The following POLR2C variants were observed in gnomAD, a reference collection of about 807,000 sequenced individuals.
The protein encoded by POLR2C is RNA polymerase II subunit C, also known as DNA-directed RNA polymerase II subunit RPB3.
A neutral mutation model predicts 41.7 loss-of-function variants in POLR2C; 36 were observed. That is an observed-to-expected ratio of 0.86 (90% CI 0.66 to 1.14). The LOEUF (loss-of-function observed/expected upper bound fraction) is 1.14. Ranked by LOEUF, POLR2C falls within the 50% of genes most tolerant of loss-of-function variation. The probability of loss-of-function intolerance (pLI) is 0.00; values close to 1 mark genes in which losing one functional copy is unlikely to be tolerated. For missense variants in POLR2C, 260 were observed against 350.4 expected, an observed-to-expected ratio of 0.74 and a Z score of 2.06; for synonymous variants, 133 against 137.8, an observed-to-expected ratio of 0.96 and a Z score of 0.25.
chr16:57,463,207 C>T (rs1334256188), intron 2 of POLR2C, 129 bp downstream of exon 2: 2 of 810,576 alleles, frequency 2.5e-6, no homozygotes, highest in Non-Finnish European at 4.2e-6. Context: ...AAGTGCATTG[C>T]TGGAGACTTG....
At chr16:57,468,101 T>C (rs1184104428) in intron 4 of POLR2C, among the ~76,000 whole-genome samples, 1 of 152,192 alleles carries the variant, frequency 6.6e-6, no homozygotes, top group Non-Finnish European at 1.5e-5. Context: ...CCTCAGCCTC[T>C]GGGCTCAAAT....
In POLR2C at chr16:57,469,660, G is replaced by C; in HGVS notation, c.388-50G>C. ...GTGCTGGGATATGGATGCCAGAGGA[G>C]GTGACTGGGGAGGTGAGCAGCTAAT... On this transcript the variant is annotated intron_variant, in intron 5 of 8. Coordinates refer to ENST00000219252, the MANE Select transcript of POLR2C (RefSeq NM_032940.3). This position sits in a 1 kb window ranked among gnomAD's most constrained non-coding sequence, Gnocchi z 5.8. The C allele has an allele frequency of 1.4e-6, 2 of 1,468,694 alleles. No individual in the cohort carries two copies. The highest frequency in any genetic ancestry group is 1.9e-6 in the Non-Finnish European group (2 of 1,047,236). The allele number at this position is 1,468,694 out of a possible 1,614,324, so 91.0% of individuals were successfully genotyped here.
intron 1 of POLR2C, 44 bp from the exon 2 acceptor site, chr16:57,462,985 C>A: frequency 1.3e-6 from 2 of 1,572,284 alleles, no homozygotes; most frequent in African/African-American, 1.4e-5. Flanking sequence ...CCCAGCCTGT[C>A]GAGGCTGCAG....
At chr16:57,462,905 G>A in intron 1 of POLR2C, 95 bp downstream of exon 1, 1 of 1,149,904 alleles carries the variant, frequency 8.7e-7, no homozygotes, top group Non-Finnish European at 1.3e-6. Context: ...GTGGGGTGGG[G>A]TGGGGGCGAT....
chr16:57,470,662 A>G (rs897549787), intron 8 of POLR2C, among the ~76,000 whole-genome samples: 2 of 152,190 alleles, frequency 1.3e-5, no homozygotes, highest in Non-Finnish European at 2.9e-5. Flanking sequence ...CCACAGGGTG[A>G]CTGTGAAAGG....
In POLR2C at chr16:57,469,957, G is replaced by A; in HGVS notation, c.440-4G>A. ...CCTTGACTGACTTGTGCCTCTCCCTGCAGACATCCTCATCGTCAAGTTGAG... is the reference window on the plus strand; with the variant it reads ...CCTTGACTGACTTGTGCCTCTCCCTACAGACATCCTCATCGTCAAGTTGAG... On this transcript the variant is annotated splice_polypyrimidine_tract_variant and splice_region_variant and intron_variant, in intron 6 of 8. Transcript: ENST00000219252. The surrounding 1 kb of genome is among the most constrained non-coding windows in gnomAD (Gnocchi z 5.8). 2 of 1,613,052 alleles carry A rather than the reference G, an allele frequency of 1.2e-6. No homozygotes were observed. The highest frequency in any genetic ancestry group is 1.7e-6 in the Non-Finnish European group (2 of 1,179,636).
In POLR2C at chr16:57,466,164, GT is replaced by G; in HGVS notation, c.206-5del. The G allele has an allele frequency of 6.3e-7, 1 of 1,599,170 alleles. No individual in the cohort carries two copies. The highest frequency in any genetic ancestry group is 2.2e-5 in the East Asian group (1 of 44,770). On this transcript the variant is annotated splice_polypyrimidine_tract_variant and intron_variant, in intron 3 of 8. Transcript: ENST00000219252. ...TTGGTTTTCTTTAAAGTGCTTTTCTGTTTTTTACAGGATTAATTCCCCTCAT... is the reference window on the plus strand; with the variant it reads ...TTGGTTTTCTTTAAAGTGCTTTTCTGTTTTTACAGGATTAATTCCCCTCAT...
At position 57,462,707 on chromosome 16, in the gene POLR2C, T is replaced by A; in HGVS notation, c.-18T>A. 6.3e-7 allele frequency: 1 copy of A among 1,576,918 alleles called. No individual in the cohort carries two copies. Among genetic ancestry groups the A allele is most frequent in the Non-Finnish European group, 8.6e-7 (1 of 1,159,950 alleles). On this transcript the variant is annotated 5_prime_UTR_variant, in exon 1 of 9. Coordinates refer to ENST00000219252, the MANE Select transcript of POLR2C (RefSeq NM_032940.3). Reference sequence around the variant, plus strand: ...GTCACCGCGGAGCAGACGCGGAGGCTGGTGGCCCCTGGGCGAGATGCCGTA... The same window carrying A: ...GTCACCGCGGAGCAGACGCGGAGGCAGGTGGCCCCTGGGCGAGATGCCGTA...
chr16:57,470,939 G>A (rs1368581816), intron 8 of POLR2C, 36 bp from the exon 9 acceptor site: 5 of 1,608,262 alleles, frequency 3.1e-6, no homozygotes, highest in Non-Finnish European at 4.3e-6. Flanking sequence ...CGGCCAGCCT[G>A]CCTCGCAGTG....
intron 2 of POLR2C, chr16:57,463,356 C>CTACTATTGTTACAAAAGTTGT: frequency 1.7e-6 from 1 of 572,430 alleles, no homozygotes; most frequent in Non-Finnish European, 3.1e-6. Flanking sequence ...ACTGTTTTCA[C>CTACTATTGTTACAAAAGTTGT]TACTATTGTT....
intron 4 of POLR2C, 79 bp downstream of exon 4, chr16:57,466,306 C>A: frequency 3.2e-6 from 3 of 929,196 alleles, no homozygotes; most frequent in Non-Finnish European, 3.4e-6. Flanking sequence ...TGACATTTGG[C>A]ATCCAGCTTG....
chr16:57,463,106 C>T (rs750674848), intron 2 of POLR2C, 28 bp downstream of exon 2: 2 of 1,580,718 alleles, frequency 1.3e-6, no homozygotes, highest in African/African-American at 1.4e-5. Flanking sequence ...CTCGTTCCCG[C>T]GCCCACGGGT....
chr16:57,462,758 A>T lies in POLR2C; in HGVS notation c.34A>T (p.Thr12Ser). 6.2e-7 allele frequency: 1 copy of T among 1,608,374 alleles called. No individual in the cohort carries two copies. The highest frequency in any genetic ancestry group is 8.5e-7 in the Non-Finnish European group (1 of 1,177,410). Residue 12 changes from threonine (T) to serine (S), a missense_variant, in exon 1 of 9, where the codon ACG becomes TCG. Coordinates refer to ENST00000219252, the MANE Select transcript of POLR2C (RefSeq NM_032940.3). ...PYANQPTVRI[T>S]ELTDENVKFI... ...CGCCAACCAGCCTACCGTGCGGATC[A>T]CGGAGCTCACTGACGAGAATGTCAA...
At chr16:57,463,968 T>C (rs980444074) in intron 2 of POLR2C, 1 of 166,658 alleles carries the variant, frequency 6.0e-6, no homozygotes, top group South Asian at 1.1e-4. Flanking sequence ...AAGAAGATAG[T>C]GGCTTCCAGC....
chr16:57,466,024 G>T lies in POLR2C; in HGVS notation c.205+3G>T. On this transcript the variant is annotated splice_donor_region_variant and intron_variant, in intron 3 of 8. Transcript: ENST00000219252. Reference sequence around the variant, plus strand: ...TGAATTCATTGCTCACAGGCTTGGTGAGTACTCCTTTTACTAGGAGGTTAA... The same window carrying T: ...TGAATTCATTGCTCACAGGCTTGGTTAGTACTCCTTTTACTAGGAGGTTAA... The T allele has an allele frequency of 1.9e-6, 3 of 1,580,382 alleles. No homozygotes were observed. The highest frequency in any genetic ancestry group is 2.7e-5 in the African/African-American group (2 of 73,700).
rs2146603636 is a variant in POLR2C at position 57,469,634 on chromosome 16, G to A, written c.388-76G>A. 1 of 1,220,452 alleles carries A rather than the reference G, an allele frequency of 8.2e-7. No homozygotes were observed. Among genetic ancestry groups the A allele is most frequent in the East Asian group, 2.3e-5 (1 of 43,046 alleles). The allele number at this position is 1,220,452 out of a possible 1,614,324, so 75.6% of individuals were successfully genotyped here. The stretch of plus-strand genomic sequence containing the variant: ...CCTGGTTGACAGATTGCAGTCTAGA[G>A]GTGCTGGGATATGGATGCCAGAGGA... On this transcript the variant is annotated intron_variant, in intron 5 of 8. Transcript: ENST00000219252. The surrounding 1 kb of genome is among the most constrained non-coding windows in gnomAD (Gnocchi z 5.8).
In POLR2C at chr16:57,462,763, G is replaced by A; in HGVS notation, c.39G>A (p.Glu13=). The part of the protein sequence containing the change: ...YANQPTVRIT[E]LTDENVKFII... Reference sequence around the variant, plus strand: ...ACCAGCCTACCGTGCGGATCACGGAGCTCACTGACGAGAATGTCAAGTTCA... The same window carrying A: ...ACCAGCCTACCGTGCGGATCACGGAACTCACTGACGAGAATGTCAAGTTCA... Residue 13 remains glutamate (E), a synonymous_variant, in exon 1 of 9, where the codon GAG becomes GAA. Coordinates refer to ENST00000219252, the MANE Select transcript of POLR2C (RefSeq NM_032940.3). The A allele has an allele frequency of 6.2e-7, 1 of 1,609,010 alleles. No individual in the cohort carries two copies. The highest frequency in any genetic ancestry group is 1.1e-5 in the South Asian group (1 of 90,052).
intron 2 of POLR2C, among the ~76,000 whole-genome samples, chr16:57,464,653 A>T (rs1477445252): frequency 6.9e-6 from 1 of 145,096 alleles, no homozygotes; most frequent in Admixed American, 6.9e-5. Context: ...ATCCACTACC[A>T]CCACCACCCC....
chr16:57,471,445 C>A lies in POLR2C; in HGVS notation c.*326C>A, dbSNP rs986171953. 1 of 242,086 alleles carries A rather than the reference C, an allele frequency of 4.1e-6. No individual in the cohort carries two copies. Among genetic ancestry groups the A allele is most frequent in the Non-Finnish European group, 8.0e-6 (1 of 124,466 alleles). The allele number at this position is 242,086 out of a possible 1,614,324, so 15.0% of individuals were successfully genotyped here. A position where few individuals can be genotyped will look rare whatever the true frequency, so the allele number is the denominator to read the frequency against. On this transcript the variant is annotated 3_prime_UTR_variant, in exon 9 of 9. Transcript: ENST00000219252. ...CTCTCCTGGTTAGTCCAGCTCTTTA[C>A]TCTAAACCCTTTCTGTCCAAAATGA...
Sources: allele counts gnomAD v4.1 joint callset (sites outside exome capture counted in the v4.1 genomes callset), GRCh38; gene constraint gnomAD v4.1.1; non-coding constraint Gnocchi (gnomAD v3.1); transcripts MANE v1.5; gene names NCBI Gene and HGNC (gene_info 2026-07-23, HGNC 2026-07-21).